RASGRF1: variants seen among roughly 807,000 people sequenced by gnomAD.
The protein encoded by RASGRF1 is Ras protein specific guanine nucleotide releasing factor 1, also known as ras-specific guanine nucleotide-releasing factor 1.
A neutral mutation model predicts 138.7 loss-of-function variants in RASGRF1; 40 were observed. That is an observed-to-expected ratio of 0.29 (90% CI 0.22 to 0.38). RASGRF1 has a LOEUF of 0.38. RASGRF1 is among the 10% of genes least tolerant of loss of function. The probability of loss-of-function intolerance (pLI) is 1.00; values close to 1 mark genes in which losing one functional copy is unlikely to be tolerated. For synonymous variants in RASGRF1, 614 were observed against 663.2 expected (o/e 0.93, Z 1.14); for missense variants, 1,108 against 1,650.4 (o/e 0.67, Z 5.69).
intron 13 of RASGRF1, among the ~76,000 whole-genome samples, chr15:79,007,308 G>A (rs1016980032): frequency 3.9e-5 from 6 of 152,136 alleles, no homozygotes; most frequent in Admixed American, 3.9e-4. Flanking sequence ...ACCACACAGC[G>A]CCCTCTGGTG....
At chr15:78,997,017 G>A (rs1056003951) in intron 19 of RASGRF1, among the ~76,000 whole-genome samples, 2 of 152,198 alleles carry the variant, frequency 1.3e-5, no homozygotes, top group Non-Finnish European at 2.9e-5. Flanking sequence ...GAGTCGGTAG[G>A]TGCCCGCCAC....
Position 79,020,063 on chromosome 15 carries a change from C to T in RASGRF1, c.1584G>A (p.Glu528=). 1.2e-6 allele frequency: 2 copies of T among 1,614,132 alleles called. No individual in the cohort carries two copies. The highest frequency in any genetic ancestry group is 4.5e-5 in the East Asian group (2 of 44,894). Residue 528 remains glutamate, a synonymous_variant, in exon 11 of 27, where the codon GAG becomes GAA. Coordinates refer to ENST00000558480, the MANE Select transcript of RASGRF1 (RefSeq NM_001145648.3). ...CACCTTCCTCCTCCGTGCTTTCTGGCTCCTCCAATAAAGTGCAGTCAATGA... is the reference window on the plus strand; with the variant it reads ...CACCTTCCTCCTCCGTGCTTTCTGGTTCCTCCAATAAAGTGCAGTCAATGA... The part of the protein sequence containing the change: ...ISLIDCTLLE[E]PESTEEEAKG...
At chr15:78,992,819 C>T (rs1190028502) in intron 20 of RASGRF1, among the ~76,000 whole-genome samples, 1 of 152,226 alleles carries the variant, frequency 6.6e-6, no homozygotes, top group Non-Finnish European at 1.5e-5. Flanking sequence ...GGCCATCCCT[C>T]CTAGACTAAG....
At chr15:79,004,362 G>T (rs2056623968) in intron 14 of RASGRF1, among the ~76,000 whole-genome samples, 187 bp from the exon 15 acceptor site, 1 of 152,192 alleles carries the variant, frequency 6.6e-6, no homozygotes, top group Non-Finnish European at 1.5e-5. Context: ...GGGGCCAAGG[G>T]TCCTGCTCTG....
intron 1 of RASGRF1, among the ~76,000 whole-genome samples, chr15:79,067,809 G>A (rs1268172884): frequency 6.6e-6 from 1 of 152,092 alleles, no homozygotes; most frequent in African/African-American, 2.4e-5. Context: ...ATAGATGGGT[G>A]GGGGGCAGGT....
rs138232257 is a variant in RASGRF1, at chr15:78,964,803, T to G, written c.3682-2567A>C. On this transcript the variant is annotated intron_variant, in intron 26 of 26. Coordinates refer to ENST00000558480, the MANE Select transcript of RASGRF1 (RefSeq NM_001145648.3). Reference sequence around the variant, plus strand: ...AATCTCACCACTCTAAAATAACTGTTTTCATTTTTTTGTGTGATCGTCTCG... The same window carrying G: ...AATCTCACCACTCTAAAATAACTGTGTTCATTTTTTTGTGTGATCGTCTCG... 1.1e-3 allele frequency among the ~76,000 whole-genome samples: 167 copies of G among 152,294 alleles called. 1 individual carries two copies. The East Asian group carries it at 0.032, about 29-fold the overall frequency.
intron 4 of RASGRF1, 92 bp from the exon 5 acceptor site, chr15:79,047,091 C>G: frequency 1.3e-6 from 2 of 1,487,632 alleles, no homozygotes; most frequent in Non-Finnish European, 1.8e-6. Context: ...GGGTAGGAAC[C>G]AAGGCTTTGT....
chr15:79,005,079 C>T lies in RASGRF1; in HGVS notation c.2076-904G>A, dbSNP rs907309490. The T allele has an allele frequency of 3.0e-6, 3 of 985,228 alleles. No individual in the cohort carries two copies. The African/African-American group carries it at 5.2e-5, about 17-fold the overall frequency. 61.0% of individuals were successfully genotyped at this position (985,228 alleles called of 1,614,324 possible). On this transcript the variant is annotated intron_variant, in intron 14 of 26. Coordinates refer to ENST00000558480, the MANE Select transcript of RASGRF1 (RefSeq NM_001145648.3). ...TCTCAGTGACTTTTAGGGGGTAAAT[C>T]CATCCTGGATGGGATGTTTGCTTCT... is the stretch of plus-strand genomic sequence containing the variant.
rs79146279 is a variant in RASGRF1 at position 79,029,402 on chromosome 15, C to T, written c.1263-1543G>A. On this transcript the variant is annotated intron_variant, in intron 8 of 26. Transcript: ENST00000558480. ...AGCCTGTGTTTGGTAAAACACAAGG[C>T]GGGTAATTCCAAGGTAGCAAAACTA... Among the ~76,000 whole-genome samples, 606 of 152,252 alleles carry T rather than the reference C, an allele frequency of 4.0e-3. 4 individuals are homozygous for T. The highest frequency in any genetic ancestry group is 0.014 in the African/African-American group (574 of 41,534).
At chr15:79,082,715 T>C (rs1043433416) in intron 1 of RASGRF1, among the ~76,000 whole-genome samples, 2 of 152,204 alleles carry the variant, frequency 1.3e-5, no homozygotes, top group African/African-American at 2.4e-5. Flanking sequence ...TGATGATTTG[T>C]CCACAGGGAT....
At position 78,972,975 on chromosome 15, in the gene RASGRF1, C is replaced by G. The variant is rs1310715984; in HGVS notation, c.3612+328G>C. Among the ~76,000 whole-genome samples the G allele has an allele frequency of 2.0e-5, 3 of 152,122 alleles. No individual in the cohort carries two copies. The East Asian group carries it at 5.8e-4, about 29-fold the overall frequency. On this transcript the variant is annotated intron_variant, in intron 25 of 26. Coordinates refer to ENST00000558480, the MANE Select transcript of RASGRF1 (RefSeq NM_001145648.3). ...GCTCCAGACCTGGCTCTGCCCTTTA[C>G]TTGTGGGGTGACCTTGGGCTGCTCA...
intron 8 of RASGRF1, among the ~76,000 whole-genome samples, chr15:79,028,625 TTTCCAGG>T (rs2057094793): frequency 6.6e-6 from 1 of 152,052 alleles, no homozygotes; most frequent in Non-Finnish European, 1.5e-5. Context: ...CCTTGGTGGG[TTTCCAGG>T]AGTCTTGGGA....
At chr15:78,978,743 C>T in intron 24 of RASGRF1, 15 of 1,113,944 alleles carry the variant, frequency 1.3e-5, no homozygotes, top group Non-Finnish European at 1.6e-5. Context: ...ACCTTAGAGC[C>T]TCAGGAGAGG....
chr15:79,047,879 G>A (rs537579390), intron 4 of RASGRF1, among the ~76,000 whole-genome samples: 20 of 152,272 alleles, frequency 1.3e-4, no homozygotes, highest in South Asian at 4.1e-4. Flanking sequence ...TGAAAGGACC[G>A]CTGTCTCCAA....
chr15:79,023,356 G>C (rs954527337), intron 10 of RASGRF1, among the ~76,000 whole-genome samples: 2 of 152,206 alleles, frequency 1.3e-5, no homozygotes, highest in African/African-American at 4.8e-5. Context: ...CTCTGTGAGG[G>C]TCAATGTCCT....
chr15:78,998,780 C>T lies in RASGRF1; in HGVS notation c.2792G>A (p.Arg931His), dbSNP rs770002588. The change falls in exon 18 of 27, where the codon CGC (arginine) becomes CAC (histidine). Residue 931 changes from arginine (R) to histidine (H), a missense_variant. Coordinates refer to ENST00000558480, the MANE Select transcript of RASGRF1 (RefSeq NM_001145648.3). Reference protein sequence around the residue: ...QRNGDKEFVIRRAATNRVLNV... With the variant: ...QRNGDKEFVIHRAATNRVLNV... ...CAAGACACGATTGGTGGCTGCTCTG[C>T]GGATCACAAACTCCTTGTCTCCATT... The T allele has an allele frequency of 1.2e-6, 2 of 1,614,112 alleles. No individual in the cohort carries two copies. Among genetic ancestry groups the T allele is most frequent in the South Asian group, 1.1e-5 (1 of 91,082 alleles).
At position 79,035,210 on chromosome 15, in the gene RASGRF1, G is replaced by A. The variant is rs1396911876; in HGVS notation, c.879C>T (p.Ser293=). The part of the protein sequence containing the change: ...HDDVSSIFLN[S]ETIMFLHQIF... ...TCTGATGTAAAAACATGATGGTTTC[G>A]CTGAAAGAGAAAGCACAGGGTCAGC... Residue 293 remains serine, a splice_region_variant and synonymous_variant, in exon 6 of 27, where the codon AGC becomes AGT. Coordinates refer to ENST00000558480, the MANE Select transcript of RASGRF1 (RefSeq NM_001145648.3). The A allele has an allele frequency of 3.7e-6, 6 of 1,611,782 alleles. No individual in the cohort carries two copies. The highest frequency in any genetic ancestry group is 2.7e-5 in the African/African-American group (2 of 75,020).
chr15:79,057,395 A>G (rs892965477), intron 3 of RASGRF1, among the ~76,000 whole-genome samples: 1 of 152,248 alleles, frequency 6.6e-6, no homozygotes, highest in Non-Finnish European at 1.5e-5. Context: ...GTGGGACAGG[A>G]GAATGACTTC....
chr15:78,966,050 G>C (rs1272846291), intron 26 of RASGRF1, among the ~76,000 whole-genome samples: 3 of 152,040 alleles, frequency 2.0e-5, no homozygotes, highest in Admixed American at 1.3e-4. Flanking sequence ...CTGGCTTGCT[G>C]CTGTTAATTG....
Sources: gnomAD v4.1 joint callset for allele counts (sites outside exome capture counted in the v4.1 genomes callset) on GRCh38, gnomAD v4.1.1 for gene constraint, MANE v1.5 for transcripts, NCBI Gene and HGNC (gene_info 2026-07-23, HGNC 2026-07-21) for gene names.